Variants in ALDH9A1 observed in about 807,000 individuals in gnomAD.
The protein encoded by ALDH9A1 is 4-trimethylaminobutyraldehyde dehydrogenase.
ALDH9A1 carries 42 observed loss-of-function variants against 56.6 expected under a neutral mutation model. That is an observed-to-expected ratio of 0.74 (90% CI 0.58 to 0.96). ALDH9A1 has a LOEUF of 0.96. Ranked by LOEUF, ALDH9A1 falls within the 40% of genes least tolerant of loss-of-function variation. The pLI is 0.00. For synonymous variants in ALDH9A1, 242 were observed against 236.0 expected (o/e 1.03, Z -0.23); for missense variants, 661 against 651.5 (o/e 1.01, Z -0.16).
At chr1:165,667,485 G>A in intron 8 of ALDH9A1, 35 bp from the exon 9 acceptor site, 1 of 1,608,580 alleles carries the variant, frequency 6.2e-7, no homozygotes. Context: ...CTGAGCAGCT[G>A]GGACCACAGT....
At chr1:165,684,311 A>G (rs1289744511) in intron 2 of ALDH9A1, among the ~76,000 whole-genome samples, 1 of 152,178 alleles carries the variant, frequency 6.6e-6, no homozygotes, top group Non-Finnish European at 1.5e-5. Context: ...CAATATTGCA[A>G]TTTTTGAATA....
intron 2 of ALDH9A1, among the ~76,000 whole-genome samples, chr1:165,687,712 G>A (rs1397729763): frequency 1.3e-5 from 2 of 152,180 alleles, no homozygotes; most frequent in African/African-American, 4.8e-5. Flanking sequence ...GCCTGGCGGG[G>A]TGCAGTGGCT....
At chr1:165,692,668 C>T (rs1217364478) in intron 2 of ALDH9A1, among the ~76,000 whole-genome samples, 3 of 151,970 alleles carry the variant, frequency 2.0e-5, no homozygotes, top group African/African-American at 7.3e-5. Flanking sequence ...TAATGCCATC[C>T]CCATCAAGCT....
intron 2 of ALDH9A1, among the ~76,000 whole-genome samples, chr1:165,687,903 A>C (rs1649761806): frequency 6.6e-6 from 1 of 151,788 alleles, no homozygotes; most frequent in Non-Finnish European, 1.5e-5. Context: ...CAGGAGAATC[A>C]CTTGAACCCG....
chr1:165,682,137 A>G lies in ALDH9A1; in HGVS notation c.562T>C (p.Ser188Pro), dbSNP rs769013954. 39 of 1,614,154 alleles carry G rather than the reference A, an allele frequency of 2.4e-5. No individual in the cohort carries two copies. The highest frequency in any genetic ancestry group is 1.7e-4 in the Middle Eastern group (1 of 6,060). Residue 188 changes from serine to proline, a missense_variant, in exon 4 of 11, where the codon TCT becomes CCT. Transcript: ENST00000354775. ...GCTAATGCTGGAGCCGACTTCCAAG[A>G]GGCAATCTGAAAGGGGTAGTTCCAT... ...GAWNYPFQIA[S>P]WKSAPALACG...
intron 4 of ALDH9A1, among the ~76,000 whole-genome samples, chr1:165,681,199 C>A (rs2101747749): frequency 6.6e-6 from 1 of 152,328 alleles, no homozygotes; most frequent in South Asian, 2.1e-4. Context: ...CAACTCTTGT[C>A]CTTTTCATCT....
At chr1:165,692,242 TAA>T (rs1649916564) in intron 2 of ALDH9A1, among the ~76,000 whole-genome samples, 1 of 152,244 alleles carries the variant, frequency 6.6e-6, no homozygotes, top group African/African-American at 2.4e-5. Context: ...GAGAAAAAAA[TAA>T]AGTGTATTCA....
At chr1:165,693,022 C>A (rs1017275646) in intron 2 of ALDH9A1, among the ~76,000 whole-genome samples, 9 of 151,714 alleles carry the variant, frequency 5.9e-5, no homozygotes, top group Admixed American at 2.0e-4. Context: ...ATGTAGAAAG[C>A]TGAAACTGGA....
chr1:165,671,032 T>C (rs774426420), intron 6 of ALDH9A1, among the ~76,000 whole-genome samples: 49 of 152,214 alleles, frequency 3.2e-4, no homozygotes, highest in Non-Finnish European at 4.4e-4. Flanking sequence ...GATCGTCCCA[T>C]TGCACCCCAG....
chr1:165,667,168 G>C, intron 9 of ALDH9A1, 141 bp downstream of exon 9: 1 of 1,173,252 alleles, frequency 8.5e-7, no homozygotes, highest in Non-Finnish European at 1.2e-6. Context: ...GGTGTCTTCT[G>C]ACTTAACCTG....
intron 8 of ALDH9A1, 27 bp from the exon 9 acceptor site, chr1:165,667,477 G>T (rs763839093): frequency 6.2e-7 from 1 of 1,610,584 alleles, no homozygotes; most frequent in South Asian, 1.1e-5. Flanking sequence ...AAAACCTCCT[G>T]AGCAGCTGGG....
At chr1:165,664,900 C>T in intron 10 of ALDH9A1, 118 bp downstream of exon 10, 2 of 764,398 alleles carry the variant, frequency 2.6e-6, no homozygotes, top group Non-Finnish European at 2.2e-6. Flanking sequence ...GACCAGGAAC[C>T]TGTATTTCCC....
chr1:165,684,022 T>G (rs1412361329), intron 2 of ALDH9A1, among the ~76,000 whole-genome samples: 2 of 152,176 alleles, frequency 1.3e-5, no homozygotes, highest in Non-Finnish European at 2.9e-5. Context: ...GCAGTAAGGC[T>G]GGCCAGAAGC....
rs773816744 is a variant in ALDH9A1 at position 165,669,350 on chromosome 1, G to A, written c.1031C>T (p.Pro344Leu). Reference protein sequence around the residue: ...KQTQRIKIGDPLLEDTRMGPL... With the variant: ...KQTQRIKIGDLLLEDTRMGPL... ...ACCCATCCTTGTATCTTCCAGAAGG[G>A]GATCTCCAATTTTAATCCTTTGGGT... Residue 344 changes from proline to leucine, a missense_variant, in exon 7 of 11, where the codon CCC becomes CTC. Transcript: ENST00000354775. 3 of 1,613,868 alleles carry A rather than the reference G, an allele frequency of 1.9e-6. No homozygotes were observed. The highest frequency in any genetic ancestry group is 3.3e-5 in the Admixed American group (2 of 59,976).
Position 165,667,344 on chromosome 1 carries a change from A to G in ALDH9A1, c.1314T>C (p.Asp438=). The G allele has an allele frequency of 6.2e-7, 1 of 1,614,138 alleles. No homozygotes were observed. Among genetic ancestry groups the G allele is most frequent in the Non-Finnish European group, 8.5e-7 (1 of 1,179,984 alleles). ...TEAEVLERAN[D]TTFGLAAGVF... ...CGCCAGCTGCTAGTCCAAAAGTGGT[A>G]TCATTGGCTCTTTCTAGAACCTCAG... is the stretch of plus-strand genomic sequence containing the variant. The change falls in exon 9 of 11, where the codon GAT becomes GAC. Residue 438 remains aspartate (D), a synonymous_variant. Coordinates refer to ENST00000354775, the MANE Select transcript of ALDH9A1 (RefSeq NM_000696.4).
intron 2 of ALDH9A1, among the ~76,000 whole-genome samples, chr1:165,684,701 T>C (rs1649654902): frequency 6.6e-6 from 1 of 152,208 alleles, no homozygotes; most frequent in Non-Finnish European, 1.5e-5. Context: ...GTACAGAACA[T>C]TTCAAATACA....
At chr1:165,695,940 C>T (rs1472321909) in intron 1 of ALDH9A1, among the ~76,000 whole-genome samples, 1 of 152,054 alleles carries the variant, frequency 6.6e-6, no homozygotes. Context: ...CAACTTTTGC[C>T]TCCTGGGTTC....
intron 6 of ALDH9A1, chr1:165,676,842 A>G (rs1279808815): frequency 1.2e-5 from 4 of 330,376 alleles, no homozygotes; most frequent in Non-Finnish European, 2.3e-5. Context: ...TTTATTTAGT[A>G]GAGAAGTGTG....
chr1:165,672,359 A>G (rs1177065621), intron 6 of ALDH9A1, among the ~76,000 whole-genome samples: 1 of 152,250 alleles, frequency 6.6e-6, no homozygotes, highest in African/African-American at 2.4e-5. Context: ...ACATGCTACA[A>G]CATGGATGAA....
Sources: allele counts gnomAD v4.1 joint callset (sites outside exome capture counted in the v4.1 genomes callset), GRCh38; gene constraint gnomAD v4.1.1; transcripts MANE v1.5; gene names NCBI Gene and HGNC (gene_info 2026-07-23, HGNC 2026-07-21).